The following CPNE4 variants were observed in gnomAD, a reference collection of about 807,000 sequenced individuals.
CPNE4 encodes copine 4.
Under a neutral mutation model 67.9 loss-of-function variants are expected in CPNE4, and 25 were observed. That is an observed-to-expected ratio of 0.37 (90% CI 0.27 to 0.51). The LOEUF is 0.51. CPNE4 is among the 20% of genes least tolerant of loss of function. The pLI is 0.93. For missense variants in CPNE4, 464 were observed against 690.8 expected, an observed-to-expected ratio of 0.67 and a Z score of 3.68; for synonymous variants, 242 against 244.9, an observed-to-expected ratio of 0.99 and a Z score of 0.11.
chr3:131,785,627 C>T (rs571975857), intron 2 of CPNE4, among the ~76,000 whole-genome samples: 33 of 151,798 alleles, frequency 2.2e-4, no homozygotes, highest in Admixed American at 1.8e-3. Context: ...AAAAATGTGA[C>T]AGTTTGTTAC....
At chr3:131,852,284 T>TA (rs917549925) in intron 2 of CPNE4, among the ~76,000 whole-genome samples, 2 of 151,822 alleles carry the variant, frequency 1.3e-5, no homozygotes, top group Non-Finnish European at 2.9e-5. Flanking sequence ...GTAAGCAATG[T>TA]AAAAAAACCC....
chr3:131,592,645 G>GTA (rs1202816922), intron 7 of CPNE4, among the ~76,000 whole-genome samples: 1 of 148,972 alleles, frequency 6.7e-6, no homozygotes, highest in Non-Finnish European at 1.5e-5. Context: ...ACATATATAT[G>GTA]TATATATATT....
At chr3:131,734,780 A>G (rs995328049) in intron 2 of CPNE4, among the ~76,000 whole-genome samples, 4 of 152,046 alleles carry the variant, frequency 2.6e-5, no homozygotes, top group Non-Finnish European at 5.9e-5. Flanking sequence ...AGTCCCTGCT[A>G]CTCAGGAGGT....
intron 1 of CPNE4, among the ~76,000 whole-genome samples, chr3:132,005,328 TATATATATATATATACAC>T (rs1204076795): frequency 4.6e-5 from 1 of 21,876 alleles, no homozygotes; most frequent in Non-Finnish European, 1.4e-4. Flanking sequence ...TATATATATA[TATATATATATATATACAC>T]ACACACACAC....
chr3:131,764,472 G>T (rs962639957), intron 2 of CPNE4, among the ~76,000 whole-genome samples: 1 of 151,970 alleles, frequency 6.6e-6, no homozygotes, highest in Non-Finnish European at 1.5e-5. Context: ...TGAAACAATT[G>T]GAAGTCTGAA....
chr3:131,583,684 T>C (rs546725787), intron 8 of CPNE4, among the ~76,000 whole-genome samples: 5 of 152,196 alleles, frequency 3.3e-5, no homozygotes, highest in Non-Finnish European at 1.5e-5. Flanking sequence ...CCGTAGATAC[T>C]TGGGGTCCTT....
chr3:131,956,041 C>G (rs1247902203), intron 1 of CPNE4, among the ~76,000 whole-genome samples: 6 of 152,132 alleles, frequency 3.9e-5, no homozygotes, highest in Non-Finnish European at 8.8e-5. Flanking sequence ...TATTGATACA[C>G]AAATCCATCT....
chr3:131,988,523 C>G (rs1304901227), intron 1 of CPNE4, among the ~76,000 whole-genome samples: 1 of 152,096 alleles, frequency 6.6e-6, no homozygotes. Context: ...GCTATGGAGA[C>G]AGAAATGGGC....
intron 1 of CPNE4, among the ~76,000 whole-genome samples, chr3:131,913,251 AAC>A (rs1466739267): frequency 6.6e-6 from 1 of 152,170 alleles, no homozygotes; most frequent in Non-Finnish European, 1.5e-5. Context: ...CATAGATAAA[AAC>A]ACCTGAAACT....
intron 1 of CPNE4, among the ~76,000 whole-genome samples, chr3:131,906,202 GTTTT>G (rs3041554): frequency 7.0e-6 from 1 of 143,386 alleles, no homozygotes; most frequent in Non-Finnish European, 1.5e-5. Flanking sequence ...TTTATTTTTT[GTTTT>G]TTTTTGTTGT....
At chr3:131,883,370 A>G (rs998148985) in intron 2 of CPNE4, among the ~76,000 whole-genome samples, 1 of 152,130 alleles carries the variant, frequency 6.6e-6, no homozygotes, top group African/African-American at 2.4e-5. Context: ...AGCAAAGTCT[A>G]TGGGGTGTGC....
intron 3 of CPNE4, among the ~76,000 whole-genome samples, chr3:131,717,977 GTCTCTC>G (rs376739428): frequency 8.5e-6 from 1 of 117,004 alleles, no homozygotes; most frequent in South Asian, 2.7e-4. Flanking sequence ...CTCTCTCTCT[GTCTCTC>G]TCTCTCTCTC....
chr3:131,810,848 C>T (rs1364168080), intron 2 of CPNE4, among the ~76,000 whole-genome samples: 1 of 151,896 alleles, frequency 6.6e-6, no homozygotes, highest in Non-Finnish European at 1.5e-5. Flanking sequence ...GAAGATTATT[C>T]GGCCTTAAAA....
chr3:131,696,847 A>C (rs1385760820), intron 4 of CPNE4, among the ~76,000 whole-genome samples: 2 of 152,220 alleles, frequency 1.3e-5, no homozygotes, highest in Non-Finnish European at 2.9e-5. Flanking sequence ...GCAAGAGAAC[A>C]TAAGAGATGG....
intron 11 of CPNE4, among the ~76,000 whole-genome samples, chr3:131,559,672 C>A (rs554441050): frequency 1.3e-5 from 2 of 151,956 alleles, no homozygotes; most frequent in East Asian, 3.9e-4. Flanking sequence ...GAATTTCAAA[C>A]CAATTTTATT....
At chr3:131,939,900 T>C (rs2071337768) in intron 1 of CPNE4, among the ~76,000 whole-genome samples, 1 of 152,124 alleles carries the variant, frequency 6.6e-6, no homozygotes, top group Non-Finnish European at 1.5e-5. Flanking sequence ...CAGGTAGGTA[T>C]TAATAGTATT....
chr3:131,628,585 G>T (rs545700874), intron 7 of CPNE4, among the ~76,000 whole-genome samples: 1 of 152,308 alleles, frequency 6.6e-6, no homozygotes, highest in East Asian at 1.9e-4. Context: ...GCCTGTTATT[G>T]GTCTATTCAG....
intron 1 of CPNE4, among the ~76,000 whole-genome samples, chr3:132,020,536 T>C (rs1420533612): frequency 6.6e-6 from 1 of 152,200 alleles, no homozygotes; most frequent in Non-Finnish European, 1.5e-5. Flanking sequence ...TGCTTTGAAT[T>C]GGGAGTCAGC....
At chr3:131,536,945 A>G (rs2107620488) in intron 15 of CPNE4, among the ~76,000 whole-genome samples, 1 of 152,252 alleles carries the variant, frequency 6.6e-6, no homozygotes, top group African/African-American at 2.4e-5. Context: ...ACCCAATTCC[A>G]TCCTTTGAGA....
Sources: allele counts gnomAD v4.1 joint callset (sites outside exome capture counted in the v4.1 genomes callset), GRCh38; gene constraint gnomAD v4.1.1; transcripts MANE v1.5; gene names NCBI Gene and HGNC (gene_info 2026-07-23, HGNC 2026-07-21).